Variants in USH2A observed in about 807,000 individuals in gnomAD.
USH2A encodes usherin, also known as Usher syndrome 2A (autosomal recessive, mild).
Under a neutral mutation model 538.9 loss-of-function variants are expected in USH2A, and 443 were observed. That is an observed-to-expected ratio of 0.82 (90% CI 0.76 to 0.89). USH2A has a LOEUF of 0.89. USH2A is among the 40% of genes least tolerant of loss of function. USH2A has a pLI of 0.00. For synonymous variants in USH2A, 2,413 were observed against 2,273.5 expected, an observed-to-expected ratio of 1.06 and a Z score of -1.75; for missense variants, 6,633 against 6,324.8, an observed-to-expected ratio of 1.05 and a Z score of -1.65.
intron 3 of USH2A, among the ~76,000 whole-genome samples, chr1:216,386,030 T>C (rs2038997873): frequency 2.0e-5 from 3 of 152,208 alleles, no homozygotes; most frequent in Admixed American, 6.5e-5. Flanking sequence ...TTAGTGTTTA[T>C]GTCTTATCTC....
At chr1:215,973,526 G>T (rs902626716) in intron 35 of USH2A, among the ~76,000 whole-genome samples, 1 of 152,042 alleles carries the variant, frequency 6.6e-6, no homozygotes, top group Non-Finnish European at 1.5e-5. Flanking sequence ...ATGAGATACA[G>T]GGTTCTTACC....
chr1:215,851,076 C>A (rs1417400727), intron 44 of USH2A, among the ~76,000 whole-genome samples: 1 of 152,036 alleles, frequency 6.6e-6, no homozygotes, highest in Non-Finnish European at 1.5e-5. Flanking sequence ...GTCTTAAATG[C>A]CTATATCAAA....
intron 20 of USH2A, among the ~76,000 whole-genome samples, chr1:216,186,692 G>A (rs1391462862): frequency 6.6e-6 from 1 of 151,836 alleles, no homozygotes; most frequent in East Asian, 1.9e-4. Context: ...CTCCTGGATG[G>A]TTATAATTGG....
At chr1:215,705,515 A>G (rs1453372996) in intron 61 of USH2A, among the ~76,000 whole-genome samples, 1 of 152,248 alleles carries the variant, frequency 6.6e-6, no homozygotes, top group Non-Finnish European at 1.5e-5. Context: ...GATGCATGCA[A>G]TTTCAGAGAC....
chr1:216,175,065 C>G, intron 21 of USH2A, 187 bp downstream of exon 21: 2 of 1,430,886 alleles, frequency 1.4e-6, no homozygotes, highest in Non-Finnish European at 9.1e-7. Context: ...CTTCACTTAC[C>G]TGACTTTTTT....
chr1:215,976,144 C>A (rs543244306), intron 35 of USH2A, among the ~76,000 whole-genome samples: 1 of 152,180 alleles, frequency 6.6e-6, no homozygotes, highest in South Asian at 2.1e-4. Flanking sequence ...AAATGCTACT[C>A]ATTTTTACAC....
intron 37 of USH2A, among the ~76,000 whole-genome samples, chr1:215,951,589 G>A (rs1489913719): frequency 6.6e-6 from 1 of 152,128 alleles, no homozygotes; most frequent in Non-Finnish European, 1.5e-5. Flanking sequence ...GCAGAGCTGA[G>A]TTCAATTCCT....
Position 215,863,980 on chromosome 1 carries a change from T to C in USH2A, c.8845+3027A>G, listed in dbSNP as rs578123871. Among the ~76,000 whole-genome samples the C allele has an allele frequency of 2.6e-5, 4 of 152,278 alleles. No homozygotes were observed. The South Asian group carries it at 8.3e-4, about 32-fold the overall frequency. ...TTTTGATGATTTTTCATTTCCTCTT[T>C]TACAAAGCATTGCCCTCTCACTCCC... On this transcript the variant is annotated intron_variant, in intron 44 of 71. Transcript: ENST00000307340.
intron 29 of USH2A, among the ~76,000 whole-genome samples, chr1:216,071,048 A>G (rs1287539274): frequency 6.6e-6 from 1 of 152,172 alleles, no homozygotes; most frequent in Non-Finnish European, 1.5e-5. Flanking sequence ...AGACATTTCT[A>G]CAGTTCTGAT....
intron 29 of USH2A, chr1:216,072,364 A>G (rs1308829253): frequency 5.3e-6 from 1 of 188,016 alleles, no homozygotes; most frequent in Non-Finnish European, 1.1e-5. Context: ...ATATTAAACC[A>G]ATCAGCAATT....
chr1:216,200,884 G>C (rs959791702), intron 16 of USH2A, among the ~76,000 whole-genome samples: 2 of 151,910 alleles, frequency 1.3e-5, no homozygotes, highest in African/African-American at 4.8e-5. Context: ...TTGGAGATGC[G>C]AGGAGGGTTC....
At chr1:215,949,310 A>G (rs1235950415) in intron 37 of USH2A, among the ~76,000 whole-genome samples, 1 of 152,122 alleles carries the variant, frequency 6.6e-6, no homozygotes, top group Non-Finnish European at 1.5e-5. Context: ...AAATGGAAAA[A>G]TAACACATTT....
intron 61 of USH2A, among the ~76,000 whole-genome samples, chr1:215,703,313 G>T (rs1659086399): frequency 6.6e-6 from 1 of 152,240 alleles, no homozygotes; most frequent in African/African-American, 2.4e-5. Flanking sequence ...TGAGGAGGCA[G>T]TCTGTCCCTT....
intron 30 of USH2A, among the ~76,000 whole-genome samples, chr1:216,049,293 CG>C (rs1356521855): frequency 6.6e-6 from 1 of 152,116 alleles, no homozygotes; most frequent in Non-Finnish European, 1.5e-5. Flanking sequence ...CTGTCTTAAA[CG>C]GAAGTGTTAC....
intron 21 of USH2A, among the ~76,000 whole-genome samples, chr1:216,130,667 T>C (rs2033356276): frequency 6.7e-6 from 1 of 148,356 alleles, no homozygotes; most frequent in Non-Finnish European, 1.5e-5. Context: ...ATATGCAATA[T>C]ATATCACGTA....
At chr1:216,137,655 C>T (rs1032116794) in intron 21 of USH2A, among the ~76,000 whole-genome samples, 2 of 152,084 alleles carry the variant, frequency 1.3e-5, no homozygotes, top group African/African-American at 4.8e-5. Context: ...TCTCTCTTTT[C>T]ACCTTTTTCT....
At chr1:215,658,966 C>A (rs1012205421) in intron 64 of USH2A, among the ~76,000 whole-genome samples, 2 of 152,112 alleles carry the variant, frequency 1.3e-5, no homozygotes, top group African/African-American at 2.4e-5. Context: ...TAGGTAAGAC[C>A]ATTTATCATC....
intron 47 of USH2A, among the ~76,000 whole-genome samples, chr1:215,831,927 A>G (rs1663329882): frequency 6.6e-6 from 1 of 152,038 alleles, no homozygotes; most frequent in African/African-American, 2.4e-5. Context: ...CTGAACAGAA[A>G]AACGGGGGCA....
chr1:215,919,120 C>T (rs1264252000), intron 38 of USH2A, among the ~76,000 whole-genome samples: 1 of 151,978 alleles, frequency 6.6e-6, no homozygotes, highest in East Asian at 1.9e-4. Flanking sequence ...CAAGAATTTT[C>T]AATTGGTTAT....
Sources: gnomAD v4.1 joint callset for allele counts (sites outside exome capture counted in the v4.1 genomes callset) on GRCh38, gnomAD v4.1.1 for gene constraint, MANE v1.5 for transcripts, NCBI Gene and HGNC (gene_info 2026-07-23, HGNC 2026-07-21) for gene names.